The following XIRP2 variants were observed in gnomAD, a reference collection of about 807,000 sequenced individuals.
The protein encoded by XIRP2 is xin actin-binding repeat-containing protein 2.
XIRP2 carries 236 observed loss-of-function variants against 277.0 expected under a neutral mutation model. That is an observed-to-expected ratio of 0.85 (90% CI 0.77 to 0.95). XIRP2 has a LOEUF of 0.95. Among genes scored for constraint, XIRP2 ranks in the 40% least tolerant of loss-of-function variants. The pLI is 0.00. For synonymous variants in XIRP2, 1,490 were observed against 1,416.5 expected, an observed-to-expected ratio of 1.05 and a Z score of -1.17; for missense variants, 4,640 against 4,157.5, an observed-to-expected ratio of 1.12 and a Z score of -3.19.
rs73014184 is a variant in XIRP2, at chr2:167,066,672, G to A, written c.409-69237G>A. The stretch of plus-strand genomic sequence containing the variant: ...GATGTCAAAGGAGTATCTGCCATGT[G>A]TAATAAACTCCCATGTTTATTGCAT... On this transcript the variant is annotated intron_variant, in intron 2 of 10. Transcript: ENST00000409195. 4.6e-3 allele frequency among the ~76,000 whole-genome samples: 707 copies of A among 152,066 alleles called. 5 individuals carry two copies. The highest frequency in any genetic ancestry group is 0.017 in the African/African-American group (688 of 41,512).
chr2:166,915,385 A>G (rs1262956014), intron 2 of XIRP2, among the ~76,000 whole-genome samples: 1 of 151,932 alleles, frequency 6.6e-6, no homozygotes, highest in Non-Finnish European at 1.5e-5. Context: ...ACTTGCTTCA[A>G]TTCATATTTT....
intron 2 of XIRP2, among the ~76,000 whole-genome samples, chr2:166,950,065 G>C (rs1324713463): frequency 6.6e-6 from 1 of 152,014 alleles, no homozygotes; most frequent in Non-Finnish European, 1.5e-5. Flanking sequence ...AATAGTACTA[G>C]TGTAGTTAAT....
At chr2:167,075,958 G>A (rs182983975) in intron 2 of XIRP2, among the ~76,000 whole-genome samples, 1 of 152,160 alleles carries the variant, frequency 6.6e-6, no homozygotes, top group Non-Finnish European at 1.5e-5. Flanking sequence ...TTACAAGCGT[G>A]AGCCACCCCT....
chr2:166,911,668 A>G (rs1464417628), intron 2 of XIRP2, among the ~76,000 whole-genome samples: 1 of 152,098 alleles, frequency 6.6e-6, no homozygotes. Flanking sequence ...TTAGCTGGTT[A>G]TTTTGCTCAT....
At position 166,925,589 on chromosome 2, in the gene XIRP2, G is replaced by GTATATATA. The variant is rs1470366389; in HGVS notation, c.408+21705_408+21706insTATATATA. ...TGTGTATGTATGTGTGTGTGTATGT[G>GTATATATA]TATATACATATATATATATATATAT... On this transcript the variant is annotated intron_variant, in intron 2 of 10. Transcript: ENST00000409195. Among the ~76,000 whole-genome samples, 366 of 105,916 alleles carry GTATATATA rather than the reference G, an allele frequency of 3.5e-3. 5 individuals carry two copies. The highest frequency in any genetic ancestry group is 0.012 in the African/African-American group (266 of 22,444). The allele number at this position is 105,916 out of a possible 152,430, so 69.5% of individuals were successfully genotyped here.
intron 2 of XIRP2, among the ~76,000 whole-genome samples, chr2:166,975,893 T>C (rs921450567): frequency 3.3e-5 from 4 of 122,064 alleles, no homozygotes; most frequent in African/African-American, 1.3e-4. Context: ...ATCGTGCTAC[T>C]GTACTCCAGC....
At chr2:166,934,920 A>C (rs1331141646) in intron 2 of XIRP2, among the ~76,000 whole-genome samples, 2 of 152,148 alleles carry the variant, frequency 1.3e-5, no homozygotes, top group Non-Finnish European at 2.9e-5. Flanking sequence ...AGTCTCAGCT[A>C]GTCGGGAAGC....
chr2:167,085,627 C>T (rs1689914415), intron 2 of XIRP2, among the ~76,000 whole-genome samples: 1 of 152,020 alleles, frequency 6.6e-6, no homozygotes, highest in African/African-American at 2.4e-5. Context: ...CTGGGTGCTC[C>T]TGTATTGGGT....
Position 167,210,857 on chromosome 2 carries a change from G to T in XIRP2, c.685G>T (p.Ala229Ser). 1 of 1,614,154 alleles carries T rather than the reference G, an allele frequency of 6.2e-7. No homozygotes were observed. Among genetic ancestry groups the T allele is most frequent in the East Asian group, 2.2e-5 (1 of 44,842 alleles). Residue 229 changes from alanine (A) to serine (S), a missense_variant, in exon 4 of 11, where the codon GCT becomes TCT. Physicochemically the swap from Ala to Ser is moderately conservative, Grantham distance 99. Coordinates refer to ENST00000409195, the MANE Select transcript of XIRP2 (RefSeq NM_152381.6). ...LKERMARYQA[A>S]VSRGDCRSFS... is the part of the protein sequence containing the mutation. ...GGAGCGGATGGCGAGGTACCAGGCA[G>T]CTGTTTCCAGGGGTGACTGCCGCAG...
intron 2 of XIRP2, among the ~76,000 whole-genome samples, chr2:166,985,294 C>T (rs1051265430): frequency 6.6e-6 from 1 of 152,200 alleles, no homozygotes; most frequent in African/African-American, 2.4e-5. Context: ...GTAATCTATA[C>T]AGTTAAAATA....
intron 3 of XIRP2, among the ~76,000 whole-genome samples, chr2:167,205,702 T>C (rs772382011): frequency 1.8e-4 from 27 of 152,228 alleles, no homozygotes; most frequent in Non-Finnish European, 3.5e-4. Context: ...TATTGTCCAA[T>C]ATATTTTTTA....
intron 2 of XIRP2, among the ~76,000 whole-genome samples, chr2:167,132,688 C>T (rs1178292079): frequency 6.6e-6 from 1 of 152,204 alleles, no homozygotes; most frequent in African/African-American, 2.4e-5. Context: ...CTCCCACCTA[C>T]TCTATCCTCT....
intron 1 of XIRP2, among the ~76,000 whole-genome samples, chr2:166,890,738 G>T (rs1262644425): frequency 6.6e-6 from 1 of 152,038 alleles, no homozygotes; most frequent in African/African-American, 2.4e-5. Flanking sequence ...TGTCTGGTAC[G>T]CAGCCTGCTT....
intron 2 of XIRP2, among the ~76,000 whole-genome samples, chr2:167,025,681 C>T (rs1688131712): frequency 6.6e-6 from 1 of 152,112 alleles, no homozygotes; most frequent in Non-Finnish European, 1.5e-5. Context: ...TTTCAAAGAA[C>T]ATCTTTATGT....
At chr2:167,216,160 A>T (rs1694242386) in intron 4 of XIRP2, among the ~76,000 whole-genome samples, 1 of 106,294 alleles carries the variant, frequency 9.4e-6, no homozygotes, top group African/African-American at 3.8e-5. Context: ...TAAACGTTAG[A>T]CCTAAAACCA....
intron 2 of XIRP2, among the ~76,000 whole-genome samples, chr2:167,090,813 A>G (rs950456686): frequency 3.9e-5 from 6 of 151,950 alleles, no homozygotes; most frequent in African/African-American, 1.5e-4. Context: ...ATGACCAAGA[A>G]CTCACTCATT....
chr2:167,052,440 C>T (rs914192841), intron 2 of XIRP2, among the ~76,000 whole-genome samples: 1 of 152,038 alleles, frequency 6.6e-6, no homozygotes, highest in Non-Finnish European at 1.5e-5. Context: ...ATGAAGACAG[C>T]TATTATACCA....
rs1045217933 is a variant in XIRP2, at chr2:166,903,954, T to C, written c.408+64T>C. 2.6e-6 allele frequency: 4 copies of C among 1,536,846 alleles called. No homozygotes were observed. In the African/African-American group the frequency reaches 5.5e-5, roughly 21 times the overall value. On this transcript the variant is annotated intron_variant, in intron 2 of 10. Transcript: ENST00000409195. Reference sequence around the variant, plus strand: ...ACTTCCTTGCCTAGCCTACCATTTATTACTAAGCATGTAATCTTTCCCCCC... The same window carrying C: ...ACTTCCTTGCCTAGCCTACCATTTACTACTAAGCATGTAATCTTTCCCCCC...
At chr2:166,888,873 T>C (rs1684024355) in intron 1 of XIRP2, among the ~76,000 whole-genome samples, 2 of 152,168 alleles carry the variant, frequency 1.3e-5, no homozygotes, top group African/African-American at 2.4e-5. Flanking sequence ...GGCTATATAT[T>C]ATATTTTTGG....
Sources: gnomAD v4.1 joint callset for allele counts (sites outside exome capture counted in the v4.1 genomes callset) on GRCh38, gnomAD v4.1.1 for gene constraint, MANE v1.5 for transcripts, NCBI Gene and HGNC (gene_info 2026-07-23, HGNC 2026-07-21) for gene names.